The following RALGAPA1 variants were observed in gnomAD, a reference collection of about 807,000 sequenced individuals.
The protein encoded by RALGAPA1 is ral GTPase-activating protein subunit alpha-1.
RALGAPA1 carries 52 observed loss-of-function variants against 269.6 expected under a neutral mutation model. The ratio of observed to expected loss-of-function variants is 0.19; its 90% CI spans 0.15 to 0.24. RALGAPA1 has a LOEUF of 0.24. Ranked by LOEUF, RALGAPA1 falls within the 10% of genes least tolerant of loss-of-function variation. The probability of loss-of-function intolerance (pLI) is 1.00; values close to 1 mark genes in which losing one functional copy is unlikely to be tolerated. For synonymous variants in RALGAPA1, 817 were observed against 1,008.3 expected (o/e 0.81, Z 3.60); for missense variants, 1,917 against 3,013.9 (o/e 0.64, Z 8.52).
At chr14:35,774,783 CAAATGTATA>C (rs1012575917) in intron 3 of RALGAPA1, among the ~76,000 whole-genome samples, 3 of 152,040 alleles carry the variant, frequency 2.0e-5, no homozygotes, top group African/African-American at 4.8e-5. Flanking sequence ...TTTGTGGTGT[CAAATGTATA>C]AAAACATAAT....
chr14:35,766,968 C>T (rs775194248), intron 4 of RALGAPA1: 3 of 385,930 alleles, frequency 7.8e-6, no homozygotes, highest in Non-Finnish European at 1.5e-5. Flanking sequence ...ACTGGACATG[C>T]ATTTTGTGAC....
At chr14:35,685,192 T>G in intron 19 of RALGAPA1, 47 bp from the exon 20 acceptor site, 1 of 1,473,316 alleles carries the variant, frequency 6.8e-7, no homozygotes, top group South Asian at 1.3e-5. Context: ...GCTTTTATTC[T>G]CTTTAACCAT....
At chr14:35,709,055 A>C (rs1293647766) in intron 16 of RALGAPA1, among the ~76,000 whole-genome samples, 1 of 152,174 alleles carries the variant, frequency 6.6e-6, no homozygotes. Context: ...TAGAGAGTAG[A>C]AGGATAGTTA....
At chr14:35,571,703 A>AACCACC (rs528167038) in intron 38 of RALGAPA1, among the ~76,000 whole-genome samples, 2 of 151,382 alleles carry the variant, frequency 1.3e-5, no homozygotes, top group African/African-American at 2.4e-5. Flanking sequence ...ACCAAAACAA[A>AACCACC]ACCACCACCA....
At chr14:35,584,968 T>C (rs2058185870) in intron 37 of RALGAPA1, among the ~76,000 whole-genome samples, 1 of 152,054 alleles carries the variant, frequency 6.6e-6, no homozygotes, top group Non-Finnish European at 1.5e-5. Context: ...AAGACAAATA[T>C]AGACTAAAAG....
intron 16 of RALGAPA1, among the ~76,000 whole-genome samples, chr14:35,715,418 T>C (rs766642504): frequency 6.6e-6 from 1 of 152,206 alleles, no homozygotes. Context: ...AGCTTATCAT[T>C]TTCCTCTTCA....
intron 11 of RALGAPA1, among the ~76,000 whole-genome samples, chr14:35,739,430 T>C (rs536118824): frequency 6.6e-6 from 1 of 152,308 alleles, no homozygotes; most frequent in Non-Finnish European, 1.5e-5. Context: ...CTAGCCTTTC[T>C]CTTAAGCTCC....
At chr14:35,712,562 G>A (rs191537893) in intron 16 of RALGAPA1, among the ~76,000 whole-genome samples, 2,383 of 152,184 alleles carry the variant, frequency 0.016, 48 homozygotes, top group African/African-American at 0.053. Context: ...AGGCTGGAGG[G>A]CAGTGGTGCA....
rs749824165 is a variant in RALGAPA1 at position 35,671,538 on chromosome 14, A to G, written c.5074-21T>C. 16 of 1,349,824 alleles carry G rather than the reference A, an allele frequency of 1.2e-5. No individual in the cohort carries two copies. In the East Asian group the frequency reaches 3.2e-4, roughly 27 times the overall value. 83.6% of individuals were successfully genotyped at this position (1,349,824 alleles called of 1,614,324 possible). A position where few individuals can be genotyped will look rare whatever the true frequency, so the allele number is the denominator to read the frequency against. The stretch of plus-strand genomic sequence containing the variant: ...ATATCCTTAGAATAAGGAAAGAAGG[A>G]AAAAAGAATATCACATATGTAATCT... On this transcript the variant is annotated intron_variant, in intron 25 of 41. Transcript: ENST00000680220.
chr14:35,719,935 C>T (rs906475886), intron 16 of RALGAPA1, among the ~76,000 whole-genome samples: 6 of 151,954 alleles, frequency 3.9e-5, no homozygotes, highest in African/African-American at 1.4e-4. Flanking sequence ...TGTATTTTTA[C>T]TACAGACGGG....
At chr14:35,791,415 C>A (rs902489057) in intron 1 of RALGAPA1, among the ~76,000 whole-genome samples, 1 of 152,072 alleles carries the variant, frequency 6.6e-6, no homozygotes, top group African/African-American at 2.4e-5. Context: ...ACCAGCCTGG[C>A]CAACATGGCA....
At chr14:35,785,497 G>A (rs934168267) in intron 1 of RALGAPA1, among the ~76,000 whole-genome samples, 5 of 152,178 alleles carry the variant, frequency 3.3e-5, no homozygotes, top group Non-Finnish European at 7.3e-5. Flanking sequence ...CTATTATACT[G>A]GGAAGAGAAA....
In RALGAPA1 at chr14:35,806,022, A is replaced by G. The variant is rs1008807357; in HGVS notation, c.106+2708T>C. Among the ~76,000 whole-genome samples, 23 of 152,028 alleles carry G rather than the reference A, an allele frequency of 1.5e-4. 1 individual carries two copies. The highest frequency in any genetic ancestry group is 4.2e-4 in the South Asian group (2 of 4,816). On this transcript the variant is annotated intron_variant, in intron 1 of 41. Transcript: ENST00000680220. ...TATATTATCCTGATTGTCACTGTCT[A>G]TATTTGTTATCTTGATTGGATATTT...
chr14:35,657,856 G>C (rs2063302229), intron 28 of RALGAPA1, among the ~76,000 whole-genome samples: 1 of 151,930 alleles, frequency 6.6e-6, no homozygotes, highest in Non-Finnish European at 1.5e-5. Context: ...AATTCCCTGG[G>C]TTCTAGTTTT....
intron 16 of RALGAPA1, among the ~76,000 whole-genome samples, chr14:35,704,774 A>G (rs2067659107): frequency 6.6e-6 from 1 of 152,112 alleles, no homozygotes; most frequent in Admixed American, 6.5e-5. Flanking sequence ...CATAGGAAAA[A>G]ATACAGTTTA....
intron 39 of RALGAPA1, among the ~76,000 whole-genome samples, chr14:35,556,267 T>C (rs1228415707): frequency 1.3e-5 from 2 of 152,156 alleles, no homozygotes; most frequent in East Asian, 3.9e-4. Context: ...TTTTCCGAAA[T>C]ACACCGGGTA....
At chr14:35,671,629 T>G in intron 25 of RALGAPA1, 112 bp from the exon 26 acceptor site, 1 of 515,774 alleles carries the variant, frequency 1.9e-6, no homozygotes, top group Non-Finnish European at 3.5e-6. Context: ...AGGTAATTAC[T>G]GTACATTGGC....
chr14:35,543,372 GGATA>G (rs1202389780), intron 41 of RALGAPA1, among the ~76,000 whole-genome samples: 1 of 151,968 alleles, frequency 6.6e-6, no homozygotes, highest in East Asian at 1.9e-4. Context: ...AGAAACGAAG[GGATA>G]GAAATGAGGA....
At chr14:35,739,362 C>A (rs985478379) in intron 11 of RALGAPA1, among the ~76,000 whole-genome samples, 1 of 152,122 alleles carries the variant, frequency 6.6e-6, no homozygotes, top group Non-Finnish European at 1.5e-5. Context: ...TCTGCCATTA[C>A]CAGAAACAGT....
Sources: allele counts gnomAD v4.1 joint callset (sites outside exome capture counted in the v4.1 genomes callset), GRCh38; gene constraint gnomAD v4.1.1; transcripts MANE v1.5; gene names NCBI Gene and HGNC (gene_info 2026-07-23, HGNC 2026-07-21).